MSR1: variants seen among roughly 807,000 people sequenced by gnomAD.
The protein encoded by MSR1 is macrophage scavenger receptor 1.
A neutral mutation model predicts 47.2 loss-of-function variants in MSR1; 53 were observed. The ratio of observed to expected loss-of-function variants is 1.12; its 90% confidence interval spans 0.90 to 1.41. The LOEUF (loss-of-function observed/expected upper bound fraction) is 1.41, where lower values mean the gene tolerates loss of function less well. MSR1 is among the 40% of genes most tolerant of loss of function. MSR1 has a pLI of 0.00. For missense variants in MSR1, 786 were observed against 546.9 expected (o/e 1.44, Z -4.36); for synonymous variants, 239 against 185.6 (o/e 1.29, Z -2.34).
In MSR1 at chr8:16,138,622, C is replaced by T. The variant is rs185567444; in HGVS notation, c.1033+4936G>A. ...AATTGTCTCCCAGCATCTCTGGGAC[C>T]GAGGCCATCGTGTGGCTGATGTAGA... On this transcript the variant is annotated intron_variant, in intron 8 of 9. Coordinates refer to ENST00000262101, the MANE Select transcript of MSR1 (RefSeq NM_138715.3). Among the ~76,000 whole-genome samples the T allele has an allele frequency of 1.7e-4, 26 of 152,156 alleles. 1 individual carries two copies. The highest frequency in any genetic ancestry group is 5.5e-4 in the African/African-American group (23 of 41,530).
At chr8:16,168,893 A>G in intron 3 of MSR1, 23 bp from the exon 4 acceptor site, 2 of 1,607,522 alleles carry the variant, frequency 1.2e-6, no homozygotes, top group Non-Finnish European at 1.7e-6. Flanking sequence ...GTAAAAATAA[A>G]CCAGTCATGG....
At chr8:16,132,742 C>T (rs1800291603) in intron 8 of MSR1, among the ~76,000 whole-genome samples, 1 of 152,114 alleles carries the variant, frequency 6.6e-6, no homozygotes, top group South Asian at 2.1e-4. Flanking sequence ...ACTGCAGCCT[C>T]CCAAAGTAGA....
chr8:16,169,931 G>A (rs951701665), intron 3 of MSR1, among the ~76,000 whole-genome samples: 25 of 151,972 alleles, frequency 1.6e-4, no homozygotes, highest in African/African-American at 5.6e-4. Context: ...GGAACATACT[G>A]AGCTGCTGAT....
At chr8:16,113,329 C>G (rs1799806289) in intron 9 of MSR1, among the ~76,000 whole-genome samples, 1 of 151,894 alleles carries the variant, frequency 6.6e-6, no homozygotes, top group South Asian at 2.1e-4. Context: ...ACCAGCATTT[C>G]CATGAAAAAT....
In MSR1 at chr8:16,164,128, T is replaced by C. The variant is rs368544400; in HGVS notation, c.754A>G (p.Asn252Asp). The C allele has an allele frequency of 6.8e-6, 11 of 1,612,112 alleles. No individual in the cohort carries two copies. The African/African-American group carries it at 1.1e-4, about 16-fold the overall frequency. ...GEVKVLNNIT[N>D]DLRLKDWEHS... The stretch of plus-strand genomic sequence containing the variant: ...TCCCAATCTTTCAGTCTGAGATCAT[T>C]AGTGATGTTATTCAGTACTTTCACT... Residue 252 changes from asparagine (N) to aspartate (D), a missense_variant, in exon 5 of 10, where the codon AAT becomes GAT. Transcript: ENST00000262101.
At position 16,129,354 on chromosome 8, in the gene MSR1, A is replaced by G. The variant is rs572389794; in HGVS notation, c.1034-8748T>C. Reference sequence around the variant, plus strand: ...ATGAAAATAACTACAGCATCCGGGAAAGGATTAAGAGTCTGTAGGCTAAGC... The same window carrying G: ...ATGAAAATAACTACAGCATCCGGGAGAGGATTAAGAGTCTGTAGGCTAAGC... On this transcript the variant is annotated intron_variant, in intron 8 of 9. Coordinates refer to ENST00000262101, the MANE Select transcript of MSR1 (RefSeq NM_138715.3). Among the ~76,000 whole-genome samples the G allele has an allele frequency of 3.9e-5, 6 of 152,200 alleles. No individual in the cohort carries two copies. The South Asian group carries it at 1.0e-3, about 26-fold the overall frequency.
In MSR1 at chr8:16,157,730, C is replaced by T. The variant is rs563311627; in HGVS notation, c.818-2586G>A. Among the ~76,000 whole-genome samples the T allele has an allele frequency of 9.9e-5, 15 of 152,016 alleles. No homozygotes were observed. In the South Asian group the frequency reaches 3.1e-3, roughly 32 times the overall value. On this transcript the variant is annotated intron_variant, in intron 5 of 9. Coordinates refer to ENST00000262101, the MANE Select transcript of MSR1 (RefSeq NM_138715.3). ...AAGAACACTATCCACTACCTTGCCA[C>T]CTTCCAAAACTAGCCTCCTCTCCAT...
At chr8:16,145,306 T>C (rs1800667931) in intron 7 of MSR1, among the ~76,000 whole-genome samples, 1 of 152,060 alleles carries the variant, frequency 6.6e-6, no homozygotes, top group African/African-American at 2.4e-5. Context: ...AGAGCATGCT[T>C]TAATAAAATA....
intron 1 of MSR1, among the ~76,000 whole-genome samples, chr8:16,190,137 A>T (rs1039352732): frequency 1.7e-4 from 26 of 151,922 alleles, no homozygotes; most frequent in African/African-American, 6.0e-4. Context: ...ACCTCAGGTG[A>T]TCCACCCTCC....
intron 2 of MSR1, among the ~76,000 whole-genome samples, chr8:16,177,410 C>A (rs35811177): frequency 6.6e-6 from 1 of 151,882 alleles, no homozygotes; most frequent in Non-Finnish European, 1.5e-5. Flanking sequence ...GCCAGTAGCC[C>A]GTAGAAGCTG....
chr8:16,176,408 G>A (rs904328543), intron 2 of MSR1, among the ~76,000 whole-genome samples: 1 of 151,824 alleles, frequency 6.6e-6, no homozygotes, highest in Non-Finnish European at 1.5e-5. Context: ...TTACGAGGCT[G>A]AGGTAGGAGA....
At chr8:16,190,143 C>T (rs868012358) in intron 1 of MSR1, among the ~76,000 whole-genome samples, 8 of 152,026 alleles carry the variant, frequency 5.3e-5, no homozygotes, top group African/African-American at 1.9e-4. Context: ...GGTGATCCAC[C>T]CTCCTTGGCC....
intron 8 of MSR1, among the ~76,000 whole-genome samples, chr8:16,129,490 A>ACAG (rs1421834211): frequency 3.3e-5 from 5 of 152,088 alleles, no homozygotes; most frequent in African/African-American, 1.2e-4. Flanking sequence ...TTATGTCTGT[A>ACAG]ACCCCAGCAC....
In MSR1 at chr8:16,154,302, G is replaced by A. The variant is rs945064847; in HGVS notation, c.898+762C>T. ...TGCAGTATACTTCCTACCATCAAACGGCATGCAGGATATTTGATTTCAAGC... is the reference window on the plus strand; with the variant it reads ...TGCAGTATACTTCCTACCATCAAACAGCATGCAGGATATTTGATTTCAAGC... On this transcript the variant is annotated intron_variant, in intron 6 of 9. Transcript: ENST00000262101. 1.3e-4 allele frequency among the ~76,000 whole-genome samples: 19 copies of A among 151,740 alleles called. 1 individual carries two copies. The highest frequency in any genetic ancestry group is 4.6e-4 in the Admixed American group (7 of 15,180).
chr8:16,139,280 GC>G, intron 8 of MSR1: 1 of 984,652 alleles, frequency 1.0e-6, no homozygotes, highest in Non-Finnish European at 1.2e-6. Context: ...GCGGGGAAAA[GC>G]TATTCCAGTT....
intron 9 of MSR1, among the ~76,000 whole-genome samples, chr8:16,112,833 T>G (rs62491230): frequency 0.092 from 13,934 of 151,778 alleles, 767 homozygotes; most frequent in South Asian, 0.2. Context: ...TCTTCCTCTC[T>G]TTCTCTCTCT....
At chr8:16,140,758 G>C in intron 8 of MSR1, 2 of 1,433,424 alleles carry the variant, frequency 1.4e-6, no homozygotes, top group Non-Finnish European at 1.8e-6. Flanking sequence ...GGGGGTGATA[G>C]GGGAGAGAGG....
intron 3 of MSR1, among the ~76,000 whole-genome samples, chr8:16,170,106 T>A (rs150659701): frequency 1.2e-3 from 189 of 152,164 alleles, no homozygotes; most frequent in East Asian, 0.01. Context: ...TCCCAGCACT[T>A]TGGGAGGCGC....
At chr8:16,140,646 C>G in intron 8 of MSR1, 1 of 1,198,070 alleles carries the variant, frequency 8.3e-7, no homozygotes, top group Non-Finnish European at 1.0e-6. Flanking sequence ...TCCTAGAACC[C>G]AATAAATTAA....
Sources: gnomAD v4.1 joint callset for allele counts (sites outside exome capture counted in the v4.1 genomes callset) on GRCh38, gnomAD v4.1.1 for gene constraint, MANE v1.5 for transcripts, NCBI Gene and HGNC (gene_info 2026-07-23, HGNC 2026-07-21) for gene names.